DOCK4: variants seen among roughly 807,000 people sequenced by gnomAD.
DOCK4 encodes the protein dedicator of cytokinesis protein 4.
Under a neutral mutation model 268.1 loss-of-function variants are expected in DOCK4, and 97 were observed. That is an observed-to-expected ratio of 0.36 (90% CI 0.31 to 0.43). The LOEUF is 0.43. Ranked by LOEUF, DOCK4 falls within the 20% of genes least tolerant of loss-of-function variation. The pLI is 1.00. For synonymous variants in DOCK4, 954 were observed against 887.2 expected, an observed-to-expected ratio of 1.08 and a Z score of -1.34; for missense variants, 2,145 against 2,455.7, an observed-to-expected ratio of 0.87 and a Z score of 2.67.
chr7:111,853,091 C>T (rs1398201411), intron 23 of DOCK4, among the ~76,000 whole-genome samples: 12 of 152,264 alleles, frequency 7.9e-5, no homozygotes, highest in South Asian at 6.2e-4. Flanking sequence ...ACAGCCAGCT[C>T]CCATCAGTAA....
intron 22 of DOCK4, among the ~76,000 whole-genome samples, chr7:111,866,273 G>T (rs1032880364): frequency 1.3e-5 from 2 of 152,198 alleles, no homozygotes; most frequent in Non-Finnish European, 2.9e-5. Flanking sequence ...CAGAGGCAAA[G>T]TTCTCATTGC....
intron 8 of DOCK4, among the ~76,000 whole-genome samples, chr7:111,951,236 T>G (rs777786180): frequency 1.3e-5 from 2 of 152,188 alleles, no homozygotes; most frequent in Non-Finnish European, 2.9e-5. Context: ...GAAAAAATCA[T>G]AAAGGCAAAT....
chr7:112,106,578 C>A lies in DOCK4; in HGVS notation c.37+99524G>T, dbSNP rs961877087. ...TCATATGTTTTCAAAATGGCAGTTACTGCATTCCTCGCCTAGCCAATGTTC... is the reference window on the plus strand; with the variant it reads ...TCATATGTTTTCAAAATGGCAGTTAATGCATTCCTCGCCTAGCCAATGTTC... On this transcript the variant is annotated intron_variant, in intron 1 of 52. Coordinates refer to ENST00000428084, the MANE Select transcript of DOCK4 (RefSeq NM_001363540.2). 3.3e-5 allele frequency among the ~76,000 whole-genome samples: 5 copies of A among 152,348 alleles called. No homozygotes were observed. The South Asian group carries it at 1.0e-3, about 32-fold the overall frequency.
rs1005376732 is a variant in DOCK4, at chr7:112,206,318, C to T, written c.-180G>A. Reference sequence around the variant, plus strand: ...CGAGCCCAGCGTTGACACTGCGCCGCCCGCAGCTCTCCCGGCGGCGGCTGC... The same window carrying T: ...CGAGCCCAGCGTTGACACTGCGCCGTCCGCAGCTCTCCCGGCGGCGGCTGC... On this transcript the variant is annotated 5_prime_UTR_variant, in exon 1 of 53. Coordinates refer to ENST00000428084, the MANE Select transcript of DOCK4 (RefSeq NM_001363540.2). The T allele has an allele frequency of 7.8e-6, 5 of 639,290 alleles. No homozygotes were observed. The highest frequency in any genetic ancestry group is 2.9e-5 in the East Asian group (1 of 34,462). The allele number at this position is 639,290 out of a possible 1,614,324, so 39.6% of individuals were successfully genotyped here. A position where few individuals can be genotyped will look rare whatever the true frequency, so the allele number is the denominator to read the frequency against.
At chr7:112,005,742 G>A (rs1800806995) in intron 1 of DOCK4, among the ~76,000 whole-genome samples, 1 of 152,122 alleles carries the variant, frequency 6.6e-6, no homozygotes, top group Admixed American at 6.6e-5. Flanking sequence ...TCCCAACACA[G>A]TTTTGTACAC....
intron 1 of DOCK4, among the ~76,000 whole-genome samples, chr7:112,078,932 T>C (rs1808336395): frequency 6.6e-6 from 1 of 151,886 alleles, no homozygotes; most frequent in Non-Finnish European, 1.5e-5. Flanking sequence ...TCGAGACCAG[T>C]CTGGGTAACA....
At chr7:111,741,485 C>T (rs1795912484) in intron 46 of DOCK4, 55 bp downstream of exon 46, 2 of 1,595,546 alleles carry the variant, frequency 1.3e-6, no homozygotes, top group Non-Finnish European at 1.7e-6. Context: ...GAGAACCATT[C>T]CAGATCAGCT....
Position 112,057,758 on chromosome 7 carries a change from G to C in DOCK4, c.38-53627C>G, listed in dbSNP as rs527994595. 4.6e-5 allele frequency among the ~76,000 whole-genome samples: 7 copies of C among 151,610 alleles called. No individual in the cohort carries two copies. The East Asian group carries it at 1.4e-3, about 29-fold the overall frequency. ...TCACTGCACTCCAACCTGGGCAACAGAGCAAGACCCTGTCTTTATAAAATA... is the reference window on the plus strand; with the variant it reads ...TCACTGCACTCCAACCTGGGCAACACAGCAAGACCCTGTCTTTATAAAATA... On this transcript the variant is annotated intron_variant, in intron 1 of 52. Transcript: ENST00000428084.
rs143113440 is a variant in DOCK4 at position 111,850,858 on chromosome 7, C to T, written c.2474-3732G>A. ...TTTTTCGGACTCAGTCCACCTACAC[C>T]GAAGTGATTAAAAAGCTTTATTGCT... On this transcript the variant is annotated intron_variant, in intron 23 of 52. Transcript: ENST00000428084. Among the ~76,000 whole-genome samples, 689 of 152,260 alleles carry T rather than the reference C, an allele frequency of 4.5e-3. 3 individuals carry two copies. Among genetic ancestry groups the T allele is most frequent in the South Asian group, 0.023 (112 of 4,824 alleles).
At chr7:111,880,406 G>T (rs1227887987) in intron 16 of DOCK4, among the ~76,000 whole-genome samples, 1 of 152,164 alleles carries the variant, frequency 6.6e-6, no homozygotes, top group Non-Finnish European at 1.5e-5. Context: ...ACTAACAAAA[G>T]CTGAGGGATT....
intron 1 of DOCK4, among the ~76,000 whole-genome samples, chr7:112,087,357 C>G (rs972251428): frequency 6.6e-6 from 1 of 152,050 alleles, no homozygotes; most frequent in Non-Finnish European, 1.5e-5. Context: ...CCTGGCCAAA[C>G]TTGAAAATTA....
intron 36 of DOCK4, 100 bp downstream of exon 36, chr7:111,778,176 G>T: frequency 2.7e-6 from 2 of 747,538 alleles, no homozygotes; most frequent in Admixed American, 5.4e-5. Context: ...TTTTAAAGTA[G>T]AAATGCTTGA....
intron 8 of DOCK4, among the ~76,000 whole-genome samples, chr7:111,975,750 T>C (rs1798110172): frequency 1.3e-5 from 2 of 152,148 alleles, no homozygotes; most frequent in Admixed American, 1.3e-4. Context: ...GACTAAGATA[T>C]AAGTTAATTC....
chr7:112,140,432 C>T (rs1291941447), intron 1 of DOCK4, among the ~76,000 whole-genome samples: 1 of 152,038 alleles, frequency 6.6e-6, no homozygotes, highest in East Asian at 1.9e-4. Flanking sequence ...TGAGGCTGAG[C>T]TGTTGGGTTT....
intron 8 of DOCK4, among the ~76,000 whole-genome samples, chr7:111,975,588 A>G (rs1280762943): frequency 2.6e-5 from 4 of 152,154 alleles, no homozygotes; most frequent in Non-Finnish European, 5.9e-5. Context: ...CAATTCCTCT[A>G]ACAGTGTAGA....
At chr7:111,790,947 A>T (rs1455250396) in intron 30 of DOCK4, among the ~76,000 whole-genome samples, 4 of 150,744 alleles carry the variant, frequency 2.7e-5, no homozygotes, top group Non-Finnish European at 4.4e-5. Flanking sequence ...AGTCCCAGCT[A>T]CTTGGGAGGC....
intron 1 of DOCK4, among the ~76,000 whole-genome samples, chr7:112,192,293 G>A (rs2116805272): frequency 6.6e-6 from 1 of 152,082 alleles, no homozygotes; most frequent in African/African-American, 2.4e-5. Context: ...GGAGGGGGAG[G>A]AGGTGGAAAT....
chr7:111,730,951 A>T (rs944554807), intron 52 of DOCK4, among the ~76,000 whole-genome samples: 5 of 152,206 alleles, frequency 3.3e-5, no homozygotes, highest in African/African-American at 1.2e-4. Flanking sequence ...TTATTTTCTT[A>T]CTACCCAACA....
At chr7:112,018,612 T>C (rs1802064631) in intron 1 of DOCK4, among the ~76,000 whole-genome samples, 1 of 152,174 alleles carries the variant, frequency 6.6e-6, no homozygotes, top group Admixed American at 6.5e-5. Context: ...TCTACAATAA[T>C]TGAAATCTGG....
Sources: allele counts gnomAD v4.1 joint callset (sites outside exome capture counted in the v4.1 genomes callset), GRCh38; gene constraint gnomAD v4.1.1; transcripts MANE v1.5; gene names NCBI Gene and HGNC (gene_info 2026-07-23, HGNC 2026-07-21).